RNGTT: variants seen among roughly 807,000 people sequenced by gnomAD.
The protein encoded by RNGTT is mRNA-capping enzyme.
Under a neutral mutation model 79.3 loss-of-function variants are expected in RNGTT, and 33 were observed. The ratio of observed to expected loss-of-function variants is 0.42; its 90% CI spans 0.32 to 0.56. RNGTT has a LOEUF of 0.56. Among genes scored for constraint, RNGTT ranks in the 20% least tolerant of loss-of-function variants. The pLI, the probability that RNGTT is intolerant of heterozygous loss-of-function variation, is 0.17. For missense variants in RNGTT, 497 were observed against 739.1 expected (o/e 0.67, Z 3.80); for synonymous variants, 222 against 235.9 (o/e 0.94, Z 0.54).
intron 8 of RNGTT, among the ~76,000 whole-genome samples, chr6:88,856,985 A>G (rs759770270): frequency 4.6e-5 from 7 of 152,130 alleles, no homozygotes; most frequent in Non-Finnish European, 8.8e-5. Context: ...TTCCCATTAA[A>G]AGGCAAAATT....
At chr6:88,761,018 TACACACACACACACACACAC>T (rs59719740) in intron 13 of RNGTT, among the ~76,000 whole-genome samples, 1 of 131,146 alleles carries the variant, frequency 7.6e-6, no homozygotes, top group African/African-American at 2.9e-5. Flanking sequence ...GCAAAAGAAA[TACACACACACACACACACAC>T]ACACACACAC....
chr6:88,941,961 C>G (rs1214347157), intron 1 of RNGTT, among the ~76,000 whole-genome samples: 1 of 152,100 alleles, frequency 6.6e-6, no homozygotes, highest in Non-Finnish European at 1.5e-5. Context: ...GCTGGGACTG[C>G]AGGTGCACAC....
chr6:88,914,139 CACAA>C (rs1262435217), intron 4 of RNGTT, among the ~76,000 whole-genome samples: 1 of 152,024 alleles, frequency 6.6e-6, no homozygotes, highest in Non-Finnish European at 1.5e-5. Flanking sequence ...TCACAGACAA[CACAA>C]ACAAATAAAA....
chr6:88,713,220 C>T (rs942087909), intron 13 of RNGTT, among the ~76,000 whole-genome samples: 12 of 152,042 alleles, frequency 7.9e-5, no homozygotes, highest in Admixed American at 2.6e-4. Flanking sequence ...ATAACACTTG[C>T]TTCCTTTCTC....
intron 13 of RNGTT, among the ~76,000 whole-genome samples, chr6:88,724,680 A>G (rs946704787): frequency 6.6e-6 from 1 of 152,208 alleles, no homozygotes; most frequent in African/African-American, 2.4e-5. Flanking sequence ...GAGAATTGTC[A>G]GGCATGAGTT....
chr6:88,637,765 T>C (rs1315872939), intron 14 of RNGTT, among the ~76,000 whole-genome samples: 1 of 152,184 alleles, frequency 6.6e-6, no homozygotes, highest in African/African-American at 2.4e-5. Context: ...TGCAATGGTT[T>C]GTAACTGCTT....
intron 13 of RNGTT, among the ~76,000 whole-genome samples, chr6:88,684,746 C>T (rs1014099741): frequency 6.6e-6 from 1 of 152,022 alleles, no homozygotes; most frequent in South Asian, 2.1e-4. Flanking sequence ...CAAAACACCA[C>T]CAAGAGTAAA....
intron 4 of RNGTT, among the ~76,000 whole-genome samples, chr6:88,918,058 C>T (rs1237656622): frequency 6.6e-6 from 1 of 151,928 alleles, no homozygotes; most frequent in Non-Finnish European, 1.5e-5. Context: ...TGGCTCATGC[C>T]TGTAATCCCT....
chr6:88,888,865 A>G lies in RNGTT; in HGVS notation c.896+1630T>C, dbSNP rs144897223. Among the ~76,000 whole-genome samples, 958 of 152,272 alleles carry G rather than the reference A, an allele frequency of 6.3e-3. 20 individuals carry two copies. Among genetic ancestry groups the G allele is most frequent in the East Asian group, 0.049 (255 of 5,172 alleles). On this transcript the variant is annotated intron_variant, in intron 8 of 15. Transcript: ENST00000369485. ...ACCAACATGGAGAAACCCTGTCTCT[A>G]CTAAAAATACAAAATAAGCCAGGTG...
chr6:88,803,046 C>T (rs1170305763), intron 11 of RNGTT, among the ~76,000 whole-genome samples: 1 of 152,158 alleles, frequency 6.6e-6, no homozygotes, highest in African/African-American at 2.4e-5. Flanking sequence ...ACTTCAAGTA[C>T]GTATTTCACT....
At chr6:88,814,706 A>T (rs1316708550) in intron 11 of RNGTT, among the ~76,000 whole-genome samples, 11 of 152,204 alleles carry the variant, frequency 7.2e-5, no homozygotes, top group Admixed American at 7.2e-4. Flanking sequence ...ATATTTGGCC[A>T]TAAATACATA....
Position 88,825,598 on chromosome 6 carries a change from T to A in RNGTT, c.1269+18759A>T, listed in dbSNP as rs191539288. On this transcript the variant is annotated intron_variant, in intron 11 of 15. Transcript: ENST00000369485. Reference sequence around the variant, plus strand: ...TATGTTTGACATACATATATTTTTTTAAAAATGTTTATTTGAATACATGTA... The same window carrying A: ...TATGTTTGACATACATATATTTTTTAAAAAATGTTTATTTGAATACATGTA... Among the ~76,000 whole-genome samples, 330 of 152,320 alleles carry A rather than the reference T, an allele frequency of 2.2e-3. 5 individuals are homozygous for A. Among genetic ancestry groups the A allele is most frequent in the African/African-American group, 7.0e-3 (291 of 41,564 alleles).
At chr6:88,830,135 A>G (rs891448972) in intron 11 of RNGTT, among the ~76,000 whole-genome samples, 8 of 152,138 alleles carry the variant, frequency 5.3e-5, no homozygotes, top group Non-Finnish European at 1.2e-4. Flanking sequence ...TGAGCACATA[A>G]TTGGAAGTAA....
At chr6:88,676,215 G>T (rs545079454) in intron 14 of RNGTT, among the ~76,000 whole-genome samples, 13 of 152,274 alleles carry the variant, frequency 8.5e-5, no homozygotes, top group African/African-American at 3.1e-4. Flanking sequence ...AAACACATAG[G>T]TCAATGGAAT....
rs1781750751 is a variant in RNGTT, at chr6:88,853,727, T to G, written c.934A>C (p.Met312Leu). Reference protein sequence around the residue: ...MLIDGTNEVFMIDRDNSVFHV... With the variant: ...MLIDGTNEVFLIDRDNSVFHV... ...AATACTGAATTGTCTCTATCAATCA[T>G]AAAAACTTCATTTGTGCCATCAATC... Residue 312 changes from methionine (M) to leucine (L), a missense_variant, in exon 9 of 16, where the codon ATG (methionine) becomes CTG (leucine). This residue lies in a region of RNGTT where 440 missense variants were observed against 671.5 expected (regional missense o/e 0.66). Coordinates refer to ENST00000369485, the MANE Select transcript of RNGTT (RefSeq NM_003800.5). 6.3e-7 allele frequency: 1 copy of G among 1,575,316 alleles called. No homozygotes were observed. The highest frequency in any genetic ancestry group is 1.7e-4 in the Middle Eastern group (1 of 5,960).
intron 12 of RNGTT, among the ~76,000 whole-genome samples, chr6:88,800,549 G>A (rs1779751125): frequency 6.6e-6 from 1 of 152,194 alleles, no homozygotes; most frequent in Non-Finnish European, 1.5e-5. Flanking sequence ...AGCAGCATAT[G>A]ATGAGGTGGT....
intron 13 of RNGTT, among the ~76,000 whole-genome samples, chr6:88,684,670 ATTT>A (rs1048829184): frequency 6.6e-6 from 1 of 150,408 alleles, no homozygotes; most frequent in Admixed American, 6.6e-5. Context: ...AGGCAAAAGG[ATTT>A]TTTTAAGGCA....
At chr6:88,876,136 T>C (rs1782510402) in intron 8 of RNGTT, among the ~76,000 whole-genome samples, 1 of 152,202 alleles carries the variant, frequency 6.6e-6, no homozygotes, top group Non-Finnish European at 1.5e-5. Context: ...GCCCCTATAA[T>C]CGAGGGTGAA....
At chr6:88,670,060 A>C in intron 14 of RNGTT, among the ~76,000 whole-genome samples, 1 of 152,230 alleles carries the variant, frequency 6.6e-6, no homozygotes, top group African/African-American at 2.4e-5. Flanking sequence ...TTATCAAAAT[A>C]GATTGGCCCT....
Sources: allele counts gnomAD v4.1 joint callset (sites outside exome capture counted in the v4.1 genomes callset), GRCh38; gene constraint gnomAD v4.1.1; regional missense constraint gnomAD v4.1.1; transcripts MANE v1.5; gene names NCBI Gene and HGNC (gene_info 2026-07-23, HGNC 2026-07-21).